Variants in TRAPPC9 observed in about 807,000 individuals in gnomAD.
The protein encoded by TRAPPC9 is trafficking protein particle complex subunit 9.
TRAPPC9 carries 83 observed loss-of-function variants against 124.0 expected under a neutral mutation model. The ratio of observed to expected loss-of-function variants is 0.67; its 90% CI spans 0.56 to 0.80. The LOEUF (loss-of-function observed/expected upper bound fraction) is 0.80. Ranked by LOEUF, TRAPPC9 falls within the 30% of genes least tolerant of loss-of-function variation. TRAPPC9 has a pLI of 0.00. For missense variants in TRAPPC9, 1,302 were observed against 1,508.3 expected (o/e 0.86, Z 2.27); for synonymous variants, 638 against 617.5 (o/e 1.03, Z -0.49).
chr8:139,981,845 T>A (rs1836918786), intron 19 of TRAPPC9, among the ~76,000 whole-genome samples: 1 of 152,192 alleles, frequency 6.6e-6, no homozygotes, highest in African/African-American at 2.4e-5. Flanking sequence ...GGATGCTCTA[T>A]CAAGACACAG....
chr8:140,403,390 C>T (rs148803232), intron 6 of TRAPPC9, among the ~76,000 whole-genome samples: 1 of 151,608 alleles, frequency 6.6e-6, no homozygotes, highest in African/African-American at 2.4e-5. Flanking sequence ...GATCATGCTG[C>T]TACACTCGAG....
chr8:139,996,225 T>C (rs555669532), intron 18 of TRAPPC9, among the ~76,000 whole-genome samples: 27 of 139,500 alleles, frequency 1.9e-4, no homozygotes, highest in Non-Finnish European at 3.2e-4. Context: ...TGGTGAATTA[T>C]CTTAGTAACT....
At chr8:139,926,418 A>G (rs930000525) in intron 19 of TRAPPC9, among the ~76,000 whole-genome samples, 7 of 152,202 alleles carry the variant, frequency 4.6e-5, no homozygotes, top group Non-Finnish European at 5.9e-5. Context: ...ACGAATGGGT[A>G]CCCCAAGATC....
At chr8:139,925,759 A>G (rs1295999882) in intron 19 of TRAPPC9, among the ~76,000 whole-genome samples, 1 of 151,816 alleles carries the variant, frequency 6.6e-6, no homozygotes, top group African/African-American at 2.4e-5. Context: ...AAAAAAAAAA[A>G]AAAAAGAAAG....
At chr8:139,856,713 C>G (rs1295170136) in intron 21 of TRAPPC9, among the ~76,000 whole-genome samples, 25 of 148,456 alleles carry the variant, frequency 1.7e-4, no homozygotes, top group Non-Finnish European at 3.0e-5. Context: ...AATTTCCTCC[C>G]ATGTCAAAAA....
intron 14 of TRAPPC9, 102 bp downstream of exon 14, chr8:140,283,787 C>T: frequency 5.5e-6 from 7 of 1,280,070 alleles, no homozygotes; most frequent in Non-Finnish European, 6.8e-6. Context: ...ATATTCTGGT[C>T]ATAAGAATTA....
At chr8:140,443,073 C>T (rs148045873) in intron 2 of TRAPPC9, among the ~76,000 whole-genome samples, 2,574 of 131,400 alleles carry the variant, frequency 0.02, 171 homozygotes, top group Admixed American at 0.15. Flanking sequence ...GCAGAGGTTG[C>T]AGTGAGCTGA....
chr8:139,880,619 G>A (rs545353831), intron 21 of TRAPPC9, among the ~76,000 whole-genome samples: 30 of 152,246 alleles, frequency 2.0e-4, no homozygotes, highest in East Asian at 7.7e-4. Context: ...CGTCACAATC[G>A]AGAGTCACGT....
At chr8:140,278,786 C>T (rs34158136) in intron 14 of TRAPPC9, among the ~76,000 whole-genome samples, 9,686 of 152,340 alleles carry the variant, frequency 0.064, 411 homozygotes, top group Non-Finnish European at 0.091. Flanking sequence ...GACTCCCATC[C>T]TGGAATGCTC....
At chr8:139,801,016 TCTTCCCTCCCTCCGGTAC>T (rs1563823900) in intron 21 of TRAPPC9, among the ~76,000 whole-genome samples, 15 of 126,570 alleles carry the variant, frequency 1.2e-4, no homozygotes, top group African/African-American at 4.1e-4. Context: ...CCCTCCGGCA[TCTTCCCTCCCTCCGGTAC>T]CTTCCCTCCC....
At chr8:140,356,313 G>A (rs560376778) in intron 9 of TRAPPC9, among the ~76,000 whole-genome samples, 1 of 152,334 alleles carries the variant, frequency 6.6e-6, no homozygotes, top group African/African-American at 2.4e-5. Context: ...GAGCACGTGG[G>A]GCTGGGAAAC....
At chr8:139,857,759 C>A (rs1827891132) in intron 21 of TRAPPC9, among the ~76,000 whole-genome samples, 1 of 152,238 alleles carries the variant, frequency 6.6e-6, no homozygotes, top group South Asian at 2.1e-4. Context: ...GGGCTGCCTG[C>A]CAACAGCTGC....
At chr8:139,873,087 A>C (rs924166166) in intron 21 of TRAPPC9, among the ~76,000 whole-genome samples, 3 of 149,336 alleles carry the variant, frequency 2.0e-5, no homozygotes, top group Admixed American at 6.6e-5. Flanking sequence ...TGGATGGATG[A>C]GTGGGTTGGT....
At chr8:139,879,524 AAC>A (rs1393514120) in intron 21 of TRAPPC9, among the ~76,000 whole-genome samples, 2 of 151,984 alleles carry the variant, frequency 1.3e-5, no homozygotes, top group Non-Finnish European at 2.9e-5. Context: ...CCTCTAACCT[AAC>A]TGAGAGCTCC....
At chr8:140,249,844 G>C (rs570811170) in intron 16 of TRAPPC9, among the ~76,000 whole-genome samples, 1 of 151,888 alleles carries the variant, frequency 6.6e-6, no homozygotes, top group African/African-American at 2.4e-5. Flanking sequence ...TCCTGACCTC[G>C]TGATCCGCCC....
chr8:140,361,562 C>T (rs1350505990), intron 8 of TRAPPC9, among the ~76,000 whole-genome samples: 2 of 152,174 alleles, frequency 1.3e-5, no homozygotes, highest in Non-Finnish European at 2.9e-5. Flanking sequence ...TCAATAAATG[C>T]TAGTTGCTAT....
intron 15 of TRAPPC9, among the ~76,000 whole-genome samples, chr8:140,266,783 C>A (rs915629654): frequency 6.6e-6 from 1 of 150,958 alleles, no homozygotes; most frequent in African/African-American, 2.5e-5. Context: ...TGGTGTGAAC[C>A]CGGGAGGCGG....
chr8:139,763,620 A>C (rs1820382070), intron 21 of TRAPPC9, among the ~76,000 whole-genome samples: 1 of 152,224 alleles, frequency 6.6e-6, no homozygotes, highest in Admixed American at 6.5e-5. Context: ...ACACACACAC[A>C]CACACACACG....
At chr8:139,839,717 C>CGCTGCCTCCAGCTCTGCTGGGT (rs906061185) in intron 21 of TRAPPC9, among the ~76,000 whole-genome samples, 6 of 152,206 alleles carry the variant, frequency 3.9e-5, no homozygotes, top group African/African-American at 7.2e-5. Context: ...GCTGAAATGC[C>CGCTGCCTCCAGCTCTGCTGGGT]GCTGCCTCCA....
Sources: gnomAD v4.1 joint callset for allele counts (sites outside exome capture counted in the v4.1 genomes callset) on GRCh38, gnomAD v4.1.1 for gene constraint, MANE v1.5 for transcripts, NCBI Gene and HGNC (gene_info 2026-07-23, HGNC 2026-07-21) for gene names.